The following YY1AP1 variants were observed in gnomAD, a reference collection of about 807,000 sequenced individuals.
The protein encoded by YY1AP1 is YY1-associated protein 1.
YY1AP1 carries 43 observed loss-of-function variants against 39.9 expected under a neutral mutation model. That is an observed-to-expected ratio of 1.08 (90% CI 0.84 to 1.39). The LOEUF is 1.39. YY1AP1 is among the 40% of genes most tolerant of loss of function. The pLI, the probability that YY1AP1 is intolerant of heterozygous loss-of-function variation, is 0.00. For missense variants in YY1AP1, 813 were observed against 900.7 expected (o/e 0.90, Z 1.25); for synonymous variants, 292 against 331.3 (o/e 0.88, Z 1.29).
At chr1:155,661,031 T>C (rs893607363) in intron 10 of YY1AP1, 118 bp from the exon 11 acceptor site, 25 of 1,543,044 alleles carry the variant, frequency 1.6e-5, no homozygotes, top group Non-Finnish European at 2.1e-5. Flanking sequence ...GGACTCTGCA[T>C]ATGAAATTTC....
At chr1:155,673,688 C>A (rs945619782) in intron 6 of YY1AP1, among the ~76,000 whole-genome samples, 7 of 152,034 alleles carry the variant, frequency 4.6e-5, no homozygotes, top group Non-Finnish European at 8.8e-5. Flanking sequence ...GGACTACAGG[C>A]ACTCGGCACC....
At chr1:155,676,855 TCC>T (rs1455307505) in intron 4 of YY1AP1, 109 bp from the exon 5 acceptor site, 36 of 1,076,036 alleles carry the variant, frequency 3.3e-5, no homozygotes, top group East Asian at 1.2e-4. Flanking sequence ...TCCCTACTAA[TCC>T]CCCCTTTTCA....
At chr1:155,669,208 T>C (rs947579561) in intron 8 of YY1AP1, among the ~76,000 whole-genome samples, 1 of 152,194 alleles carries the variant, frequency 6.6e-6, no homozygotes, top group Non-Finnish European at 1.5e-5. Context: ...TAATGTTTTA[T>C]TTCATTATTT....
intron 2 of YY1AP1, among the ~76,000 whole-genome samples, chr1:155,684,860 A>G (rs1652006909): frequency 2.6e-5 from 4 of 152,200 alleles, no homozygotes; most frequent in Admixed American, 2.6e-4. Context: ...TGCTAGGATT[A>G]CAGGCGTGAG....
At position 155,679,830 on chromosome 1, in the gene YY1AP1, A is replaced by G. The variant is rs921494540; in HGVS notation, c.22-318T>C. 2.4e-5 allele frequency: 28 copies of G among 1,179,854 alleles called. No homozygotes were observed. The African/African-American group carries it at 4.4e-4, about 19-fold the overall frequency. The allele number at this position is 1,179,854 out of a possible 1,614,324, so 73.1% of individuals were successfully genotyped here. On this transcript the variant is annotated intron_variant, in intron 3 of 10. Coordinates refer to ENST00000355499, the MANE Select transcript of YY1AP1 (RefSeq NM_139119.3). ...GGAAAAGGTAATTATTTGTGTGCAAAATACTTTAAAACTAGTTGGCAATCT... is the reference window on the plus strand; with the variant it reads ...GGAAAAGGTAATTATTTGTGTGCAAGATACTTTAAAACTAGTTGGCAATCT...
chr1:155,688,256 T>A (rs1312325772), intron 1 of YY1AP1, 55 bp from the exon 2 acceptor site: 13 of 1,605,794 alleles, frequency 8.1e-6, no homozygotes, highest in Non-Finnish European at 1.1e-5. Context: ...AGGGGCAAAC[T>A]GAGAGGAGGC....
chr1:155,679,140 C>T (rs928451704), intron 4 of YY1AP1: 323 of 1,389,848 alleles, frequency 2.3e-4, no homozygotes, highest in Non-Finnish European at 2.9e-4. Flanking sequence ...TCCTACATAC[C>T]TCTCCAGCAC....
rs1223831100 is a variant in YY1AP1, at chr1:155,679,162, A to C, written c.125+247T>G. On this transcript the variant is annotated intron_variant, in intron 4 of 10. Coordinates refer to ENST00000355499, the MANE Select transcript of YY1AP1 (RefSeq NM_139119.3). ...TACCTCTCCAGCACCACTCACCCGG[A>C]GAAGTGGATATGGATGCCAGCTACT... The C allele has an allele frequency of 2.1e-6, 3 of 1,447,360 alleles. No homozygotes were observed. In the African/African-American group the frequency reaches 4.2e-5, roughly 20 times the overall value. The allele number at this position is 1,447,360 out of a possible 1,614,324, so 89.7% of individuals were successfully genotyped here.
chr1:155,667,513 AC>A (rs1298840663), intron 9 of YY1AP1, among the ~76,000 whole-genome samples: 74 of 151,738 alleles, frequency 4.9e-4, no homozygotes, highest in South Asian at 1.5e-3. Context: ...AAAAAAAAAA[AC>A]ATAAATAAAT....
In YY1AP1 at chr1:155,675,016, T is replaced by C. The variant is rs374748241; in HGVS notation, c.405A>G (p.Ile135Met). The C allele has an allele frequency of 2.4e-5, 39 of 1,612,988 alleles. No homozygotes were observed. The African/African-American group carries it at 4.0e-4, about 17-fold the overall frequency. Residue 135 changes from isoleucine to methionine, a missense_variant, in exon 6 of 11, where the codon ATA becomes ATG. This residue lies in a region of YY1AP1 where 196 missense variants were observed against 189.7 expected (regional missense o/e 1.03). Coordinates refer to ENST00000355499, the MANE Select transcript of YY1AP1 (RefSeq NM_139119.3). ...CGGCAATTTGGAAACTTACAAGACA[T>C]ATCCTGGTGCTACTGGCCTCCGGAT... ...NLNPEASSTRICLKELGTFAQ... is the reference protein window; with the variant it reads ...NLNPEASSTRMCLKELGTFAQ...
In YY1AP1 at chr1:155,660,063, A is replaced by C. The variant is rs1237915965; in HGVS notation, c.1847T>G (p.Leu616Ter). 6.2e-7 allele frequency: 1 copy of C among 1,614,108 alleles called. No individual in the cohort carries two copies. The highest frequency in any genetic ancestry group is 8.5e-7 in the Non-Finnish European group (1 of 1,180,046). ...ATTCACAGAATTGCCAGAAACAATT[A>C]AGGGTGAGACAGAGGAGGCCACAAG... ...QPLVASSVSP[L>*]IVSGNSVNLP... Residue 616 changes from leucine to a stop codon, truncating the protein, a stop_gained, in exon 11 of 11, where the codon TTA becomes TGA. Coordinates refer to ENST00000355499, the MANE Select transcript of YY1AP1 (RefSeq NM_139119.3). LOFTEE classifies it low-confidence loss of function (END_TRUNC).
intron 2 of YY1AP1, among the ~76,000 whole-genome samples, chr1:155,685,486 C>T (rs1478458204): frequency 2.0e-5 from 3 of 152,154 alleles, no homozygotes; most frequent in Admixed American, 1.3e-4. Flanking sequence ...GAAAAAAAGA[C>T]GCTTCTCAGA....
chr1:155,664,900 C>T (rs1017121502), intron 9 of YY1AP1, among the ~76,000 whole-genome samples: 9 of 151,210 alleles, frequency 6.0e-5, no homozygotes, highest in African/African-American at 2.2e-4. Flanking sequence ...CTCCAGAGTA[C>T]CTGGGACTAC....
chr1:155,679,277 C>G, intron 4 of YY1AP1, 132 bp downstream of exon 4: 1 of 1,544,870 alleles, frequency 6.5e-7, no homozygotes, highest in Non-Finnish European at 8.8e-7. Context: ...TAACTCCTGA[C>G]AGGACTCTGC....
chr1:155,668,531 A>G (rs1558304556), intron 9 of YY1AP1, 96 bp downstream of exon 9: 20 of 1,596,774 alleles, frequency 1.3e-5, no homozygotes, highest in Non-Finnish European at 1.0e-5. Flanking sequence ...TTAGCTTTAG[A>G]TAAAAGAAGG....
chr1:155,682,511 CACA>C (rs1268177468), intron 2 of YY1AP1, among the ~76,000 whole-genome samples: 1 of 151,938 alleles, frequency 6.6e-6, no homozygotes, highest in Non-Finnish European at 1.5e-5. Context: ...AGGCACCTGC[CACA>C]ACACCTGGAT....
intron 9 of YY1AP1, among the ~76,000 whole-genome samples, chr1:155,666,570 G>A (rs926807476): frequency 3.9e-5 from 6 of 152,150 alleles, no homozygotes; most frequent in East Asian, 3.8e-4. Context: ...TTCGGCTTCC[G>A]TGGTTTATGG....
At chr1:155,674,734 G>A (rs1473859801) in intron 6 of YY1AP1, 1 of 250,662 alleles carries the variant, frequency 4.0e-6, no homozygotes, top group Non-Finnish European at 7.8e-6. Context: ...GCTGAGGCAG[G>A]AGAATCACTT....
At chr1:155,662,097 C>A (rs939235794) in intron 9 of YY1AP1, among the ~76,000 whole-genome samples, 4 of 151,570 alleles carry the variant, frequency 2.6e-5, no homozygotes, top group Non-Finnish European at 5.9e-5. Context: ...AAGACAGCAT[C>A]GTAATCTATA....
Sources: gnomAD v4.1 joint callset for allele counts (sites outside exome capture counted in the v4.1 genomes callset) on GRCh38, gnomAD v4.1.1 for gene constraint, gnomAD v4.1.1 regional missense constraint, MANE v1.5 for transcripts, NCBI Gene and HGNC (gene_info 2026-07-23, HGNC 2026-07-21) for gene names.